The following HAUS1 variants were observed in gnomAD, a reference collection of about 807,000 sequenced individuals.
HAUS1 encodes the protein HAUS augmin-like complex subunit 1.
Under a neutral mutation model 38.6 loss-of-function variants are expected in HAUS1, and 25 were observed. That is an observed-to-expected ratio of 0.65 (90% CI 0.47 to 0.91). The LOEUF (loss-of-function observed/expected upper bound fraction) is 0.91, where lower values mean the gene tolerates loss of function less well. HAUS1 is among the 40% of genes least tolerant of loss of function. HAUS1 has a pLI of 0.00. For missense variants in HAUS1, 325 were observed against 328.4 expected (o/e 0.99, Z 0.08); for synonymous variants, 109 against 112.9 (o/e 0.97, Z 0.22).
intron 3 of HAUS1, among the ~76,000 whole-genome samples, chr18:46,119,281 A>G (rs1413519002): frequency 6.6e-6 from 1 of 152,236 alleles, no homozygotes; most frequent in Non-Finnish European, 1.5e-5. Flanking sequence ...TGTTTTAGGT[A>G]TAAGAGCATC....
intron 2 of HAUS1, among the ~76,000 whole-genome samples, chr18:46,107,909 T>C (rs1911518307): frequency 6.6e-6 from 1 of 152,170 alleles, no homozygotes; most frequent in Non-Finnish European, 1.5e-5. Context: ...CTTCCTATTT[T>C]GCTCAGGCTG....
chr18:46,113,511 A>C (rs1162674857), intron 2 of HAUS1, among the ~76,000 whole-genome samples: 2 of 152,124 alleles, frequency 1.3e-5, no homozygotes, highest in African/African-American at 4.8e-5. Flanking sequence ...TTTTCTTACA[A>C]TTTCTCTTCA....
rs867362958 is a variant in HAUS1 at position 46,116,827 on chromosome 18, A to G, written c.206-1354A>G. Among the ~76,000 whole-genome samples the G allele has an allele frequency of 2.6e-4, 39 of 152,286 alleles. No individual in the cohort carries two copies. In the Middle Eastern group the frequency reaches 0.017, roughly 66 times the overall value. On this transcript the variant is annotated intron_variant, in intron 2 of 8. Coordinates refer to ENST00000282058, the MANE Select transcript of HAUS1 (RefSeq NM_138443.4). ...CAGGAGTTCAAGACCAGCCTGGGCA[A>G]CATGGCAAAACACCATCTCCACAAA...
chr18:46,112,164 C>T (rs983531018), intron 2 of HAUS1, among the ~76,000 whole-genome samples: 21 of 148,898 alleles, frequency 1.4e-4, no homozygotes, highest in South Asian at 1.0e-3. Context: ...GGATTACAGG[C>T]GTGAACTACC....
chr18:46,125,223 A>G (rs1368445208), intron 7 of HAUS1, among the ~76,000 whole-genome samples: 2 of 151,558 alleles, frequency 1.3e-5, no homozygotes, highest in Non-Finnish European at 2.9e-5. Context: ...TCGTGCCACC[A>G]CACTCCAGCC....
At chr18:46,107,893 CAG>C (rs765974167) in intron 2 of HAUS1, among the ~76,000 whole-genome samples, 1 of 152,076 alleles carries the variant, frequency 6.6e-6, no homozygotes, top group African/African-American at 2.4e-5. Context: ...AGTGGAGAGA[CAG>C]AGTCTTCCTA....
intron 2 of HAUS1, among the ~76,000 whole-genome samples, chr18:46,117,858 A>AAG (rs1911836000): frequency 6.6e-6 from 1 of 152,084 alleles, no homozygotes; most frequent in Non-Finnish European, 1.5e-5. Flanking sequence ...AGGCAGGAGA[A>AAG]TCACTGGAAC....
chr18:46,116,989 A>C (rs1215806494), intron 2 of HAUS1, among the ~76,000 whole-genome samples: 1 of 152,220 alleles, frequency 6.6e-6, no homozygotes, highest in Non-Finnish European at 1.5e-5. Flanking sequence ...CAAATACCAC[A>C]GTGCCACTTC....
In HAUS1 at chr18:46,114,886, T is replaced by C. The variant is rs569818574; in HGVS notation, c.206-3295T>C. ...TTTATTGAATAGTTGTTTCTTCATT[T>C]GCTGTGTACCCTTAGGACCATTTTT... On this transcript the variant is annotated intron_variant, in intron 2 of 8. Coordinates refer to ENST00000282058, the MANE Select transcript of HAUS1 (RefSeq NM_138443.4). Among the ~76,000 whole-genome samples the C allele has an allele frequency of 2.0e-5, 3 of 152,312 alleles. No individual in the cohort carries two copies. The East Asian group carries it at 5.8e-4, about 29-fold the overall frequency.
intron 5 of HAUS1, among the ~76,000 whole-genome samples, chr18:46,122,982 T>C (rs1410978262): frequency 1.3e-5 from 2 of 152,082 alleles, no homozygotes; most frequent in Non-Finnish European, 2.9e-5. Flanking sequence ...GAGGCCAAGG[T>C]GGGCGGATCA....
chr18:46,105,224 G>A lies in HAUS1; in HGVS notation c.61G>A (p.Asp21Asn). 6.2e-7 allele frequency: 1 copy of A among 1,610,592 alleles called. No homozygotes were observed. Among genetic ancestry groups the A allele is most frequent in the South Asian group, 1.1e-5 (1 of 90,462 alleles). ...TGCGTGGTTAAAAAAAATATTTGGA[G>A]ATCATCCTATTCCACAGTATGAGGT... ...VAAWLKKIFG[D>N]HPIPQYEVNP... Residue 21 changes from aspartate (D) to asparagine (N), a missense_variant, in exon 2 of 9, where the codon GAT (aspartate) becomes AAT (asparagine). Asp to Asn is a conservative substitution (Grantham distance 23). Transcript: ENST00000282058.
At chr18:46,119,716 G>C (rs545198311) in intron 3 of HAUS1, among the ~76,000 whole-genome samples, 44 of 152,238 alleles carry the variant, frequency 2.9e-4, no homozygotes, top group Middle Eastern at 3.4e-3. Flanking sequence ...TGACAGGGAC[G>C]CTCATCTGAG....
intron 2 of HAUS1, among the ~76,000 whole-genome samples, chr18:46,114,749 G>A (rs1911757739): frequency 6.6e-6 from 1 of 152,182 alleles, no homozygotes; most frequent in African/African-American, 2.4e-5. Context: ...CATGTTGACT[G>A]CAGCTGTCTG....
chr18:46,109,463 C>T (rs1911563440), intron 2 of HAUS1, among the ~76,000 whole-genome samples: 1 of 152,134 alleles, frequency 6.6e-6, no homozygotes, highest in Non-Finnish European at 1.5e-5. Flanking sequence ...CATTTCATTT[C>T]ATTATGACCA....
At chr18:46,111,349 G>A (rs1288177232) in intron 2 of HAUS1, among the ~76,000 whole-genome samples, 1 of 150,902 alleles carries the variant, frequency 6.6e-6, no homozygotes, top group African/African-American at 2.4e-5. Flanking sequence ...TTTTGAGACA[G>A]AGTCTCACTC....
chr18:46,118,276 A>C lies in HAUS1; in HGVS notation c.301A>C (p.Ser101Arg). Residue 101 changes from serine to arginine, a missense_variant, in exon 3 of 9, where the codon AGT (serine) becomes CGT (arginine). By Grantham distance (110) the Ser-to-Arg change is moderately radical (BLOSUM62 -1). Transcript: ENST00000282058. ...GSRYLNALVD[S>R]AVALETKDTS... ...CAGGTATCTGAATGCTTTGGTTGAC[A>C]GTGCGGTGGCCCTTGAAACAAAGGA... 1 of 1,613,406 alleles carries C rather than the reference A, an allele frequency of 6.2e-7. No homozygotes were observed. The highest frequency in any genetic ancestry group is 8.5e-7 in the Non-Finnish European group (1 of 1,180,010).
Position 46,116,577 on chromosome 18 carries a change from C to CA in HAUS1, c.206-1596dup, listed in dbSNP as rs1425139603. 8.0e-5 allele frequency among the ~76,000 whole-genome samples: 12 copies of CA among 149,700 alleles called. 1 individual carries two copies. In the South Asian group the frequency reaches 1.1e-3, roughly 13 times the overall value. ...CCCTGTCCCAAAAAAAAAATAACGACAAAAAAAACCAAAACCTCAATAATA... is the reference window on the plus strand; with the variant it reads ...CCCTGTCCCAAAAAAAAAATAACGACAAAAAAAAACCAAAACCTCAATAATA... On this transcript the variant is annotated intron_variant, in intron 2 of 8. Coordinates refer to ENST00000282058, the MANE Select transcript of HAUS1 (RefSeq NM_138443.4).
intron 5 of HAUS1, 39 bp from the exon 6 acceptor site, chr18:46,123,260 A>G (rs1282215635): frequency 1.4e-6 from 2 of 1,395,500 alleles, no homozygotes; most frequent in African/African-American, 1.4e-5. Context: ...CACTTTTCAA[A>G]TAATTTTTTA....
chr18:46,107,953 C>T (rs1173370564), intron 2 of HAUS1, among the ~76,000 whole-genome samples: 5 of 152,084 alleles, frequency 3.3e-5, no homozygotes, highest in East Asian at 1.9e-4. Context: ...GATCCTCCCA[C>T]CTCAGCCTAC....
Sources: allele counts gnomAD v4.1 joint callset (sites outside exome capture counted in the v4.1 genomes callset), GRCh38; gene constraint gnomAD v4.1.1; transcripts MANE v1.5; gene names NCBI Gene and HGNC (gene_info 2026-07-23, HGNC 2026-07-21).